Variants in COL26A1 observed in about 807,000 individuals in gnomAD.
COL26A1 encodes collagen alpha-1(XXVI) chain.
Under a neutral mutation model 59.3 loss-of-function variants are expected in COL26A1, and 41 were observed. The observed-to-expected ratio is 0.69, with a 90% CI of 0.54 to 0.90. The LOEUF (loss-of-function observed/expected upper bound fraction) is 0.90, where lower values mean the gene tolerates loss of function less well. Among genes scored for constraint, COL26A1 ranks in the 40% least tolerant of loss-of-function variants. The pLI is 0.00. For synonymous variants in COL26A1, 266 were observed against 256.0 expected, an observed-to-expected ratio of 1.04 and a Z score of -0.37; for missense variants, 612 against 602.3, an observed-to-expected ratio of 1.02 and a Z score of -0.17.
chr7:101,363,315 C>A, intron 1 of COL26A1, 125 bp downstream of exon 1: 1 of 740,184 alleles, frequency 1.4e-6, no homozygotes, highest in Non-Finnish European at 1.9e-6. Flanking sequence ...GACTTGGGGG[C>A]GCAGGGCAGC....
intron 3 of COL26A1, among the ~76,000 whole-genome samples, chr7:101,449,914 A>G (rs1793288841): frequency 6.6e-6 from 1 of 152,168 alleles, no homozygotes; most frequent in Non-Finnish European, 1.5e-5. Context: ...ACTTGAGGTC[A>G]GGAGTTCGAG....
rs548767123 is a variant in COL26A1 at position 101,447,701 on chromosome 7, G to T, written c.299G>T (p.Arg100Ile). Residue 100 changes from arginine (R) to isoleucine (I), a missense_variant, in exon 3 of 13, where the codon AGA becomes ATA. Physicochemically the swap from Arg to Ile is moderately conservative, Grantham distance 97. Coordinates refer to ENST00000313669, the MANE Select transcript of COL26A1 (RefSeq NM_001278563.3). ...TGTGTTAGTTACAGGACTCTGATCA[G>T]ACCCACCTACAGAGTGTCCTACCGC... ...ANLVSYRTLI[R>I]PTYRVSYRTV... is the part of the protein sequence containing the mutation. 6.9e-6 allele frequency: 11 copies of T among 1,601,044 alleles called. No homozygotes were observed. Among genetic ancestry groups the T allele is most frequent in the Non-Finnish European group, 8.5e-6 (10 of 1,173,754 alleles).
At chr7:101,367,672 A>G (rs905281468) in intron 1 of COL26A1, among the ~76,000 whole-genome samples, 1 of 52,232 alleles carries the variant, frequency 1.9e-5, no homozygotes, top group South Asian at 5.2e-4. Context: ...CTCAAAAAAG[A>G]AAAAAAAAAA....
At chr7:101,507,086 C>T (rs1794827066) in intron 3 of COL26A1, among the ~76,000 whole-genome samples, 2 of 151,970 alleles carry the variant, frequency 1.3e-5, no homozygotes, top group African/African-American at 4.8e-5. Flanking sequence ...GGCTAATTTT[C>T]GTATTTTTAG....
intron 3 of COL26A1, among the ~76,000 whole-genome samples, chr7:101,449,189 G>T (rs1280848611): frequency 6.6e-6 from 1 of 152,206 alleles, no homozygotes; most frequent in Non-Finnish European, 1.5e-5. Flanking sequence ...AAGGGGTGAG[G>T]GGATGCCAGG....
intron 2 of COL26A1, among the ~76,000 whole-genome samples, chr7:101,426,830 C>G (rs980737340): frequency 6.6e-6 from 1 of 152,134 alleles, no homozygotes; most frequent in Non-Finnish European, 1.5e-5. Flanking sequence ...GCACGTCAGC[C>G]GAGGCAGCTC....
intron 1 of COL26A1, among the ~76,000 whole-genome samples, chr7:101,376,580 C>T (rs1241089388): frequency 6.7e-6 from 1 of 148,184 alleles, no homozygotes; most frequent in African/African-American, 2.7e-5. Context: ...CGGACCTTCT[C>T]CTGTAGCTGA....
intron 3 of COL26A1, among the ~76,000 whole-genome samples, chr7:101,512,414 T>C (rs1794944939): frequency 6.6e-6 from 1 of 151,906 alleles, no homozygotes; most frequent in Admixed American, 6.6e-5. Flanking sequence ...AGACCAGGGG[T>C]TCGAGATGAG....
intron 3 of COL26A1, among the ~76,000 whole-genome samples, chr7:101,518,254 G>A (rs531761421): frequency 6.6e-6 from 1 of 152,276 alleles, no homozygotes; most frequent in Admixed American, 6.5e-5. Context: ...CTTGACCAGT[G>A]GGTGCTACAG....
intron 1 of COL26A1, among the ~76,000 whole-genome samples, chr7:101,377,940 C>A (rs1791357076): frequency 6.6e-6 from 1 of 152,176 alleles, no homozygotes; most frequent in Admixed American, 6.5e-5. Flanking sequence ...GGGTCTTGCT[C>A]TGTCACCAAG....
chr7:101,490,428 A>G (rs1794432168), intron 3 of COL26A1, among the ~76,000 whole-genome samples: 1 of 149,916 alleles, frequency 6.7e-6, no homozygotes, highest in Non-Finnish European at 1.5e-5. Flanking sequence ...CAGGCCAGGC[A>G]CAGTGGCTCA....
chr7:101,440,071 GA>G (rs1405143881), intron 2 of COL26A1, among the ~76,000 whole-genome samples: 3 of 152,142 alleles, frequency 2.0e-5, no homozygotes, highest in African/African-American at 7.2e-5. Context: ...CTGCATTTTA[GA>G]AAGTTTGCCT....
intron 7 of COL26A1, among the ~76,000 whole-genome samples, chr7:101,546,760 C>T (rs1186588371): frequency 3.9e-5 from 6 of 152,092 alleles, no homozygotes; most frequent in South Asian, 2.1e-4. Context: ...TCCCCAGGCA[C>T]AGCTCAGAGG....
At chr7:101,456,152 GTA>G (rs72074261) in intron 3 of COL26A1, among the ~76,000 whole-genome samples, 1,379 of 108,714 alleles carry the variant, frequency 0.013, 18 homozygotes, top group East Asian at 0.082. Context: ...ATTACTGTAA[GTA>G]TATATATATA....
intron 1 of COL26A1, among the ~76,000 whole-genome samples, chr7:101,416,245 T>C (rs1254670301): frequency 7.0e-6 from 1 of 142,164 alleles, no homozygotes; most frequent in East Asian, 1.9e-4. Context: ...ATGCAAAAGT[T>C]AGCCAGCATG....
At chr7:101,409,922 G>A (rs1015836972) in intron 1 of COL26A1, among the ~76,000 whole-genome samples, 10 of 152,046 alleles carry the variant, frequency 6.6e-5, no homozygotes, top group African/African-American at 1.9e-4. Context: ...CACCACGCCC[G>A]GCTAATTTTT....
chr7:101,390,487 G>A (rs1791703803), intron 1 of COL26A1, among the ~76,000 whole-genome samples: 1 of 152,116 alleles, frequency 6.6e-6, no homozygotes, highest in Non-Finnish European at 1.5e-5. Flanking sequence ...GGGCAGTAGT[G>A]CAATCATAGC....
intron 1 of COL26A1, among the ~76,000 whole-genome samples, chr7:101,377,771 T>G (rs1221386620): frequency 6.6e-6 from 1 of 152,178 alleles, no homozygotes. Flanking sequence ...GCAACTTCCC[T>G]TCATTGCTTT....
chr7:101,446,046 CAAAAAAAA>C (rs60343304), intron 2 of COL26A1, among the ~76,000 whole-genome samples: 1 of 50,994 alleles, frequency 2.0e-5, no homozygotes, highest in Non-Finnish European at 3.8e-5. Context: ...GACTCCGTCT[CAAAAAAAA>C]AAAAAAAAAA....
Sources: gnomAD v4.1 joint callset for allele counts (sites outside exome capture counted in the v4.1 genomes callset) on GRCh38, gnomAD v4.1.1 for gene constraint, MANE v1.5 for transcripts, NCBI Gene and HGNC (gene_info 2026-07-23, HGNC 2026-07-21) for gene names.